Variants in MYCBP2 observed in about 807,000 individuals in gnomAD.
MYCBP2 encodes E3 ubiquitin-protein ligase MYCBP2.
Under a neutral mutation model 525.3 loss-of-function variants are expected in MYCBP2, and 120 were observed. The ratio of observed to expected loss-of-function variants is 0.23; its 90% CI spans 0.20 to 0.27. The LOEUF is 0.27. Ranked by LOEUF, MYCBP2 falls within the 10% of genes least tolerant of loss-of-function variation. MYCBP2 has a pLI of 1.00. For missense variants in MYCBP2, 4,149 were observed against 5,657.1 expected, an observed-to-expected ratio of 0.73 and a Z score of 8.55; for synonymous variants, 1,894 against 1,955.8, an observed-to-expected ratio of 0.97 and a Z score of 0.83.
intron 40 of MYCBP2, among the ~76,000 whole-genome samples, chr13:77,167,073 C>T (rs910636788): frequency 6.6e-6 from 1 of 151,460 alleles, no homozygotes; most frequent in Admixed American, 6.6e-5. Context: ...TTCCCAGTGT[C>T]ACTAATAGGA....
rs2059423535 is a variant in MYCBP2, at chr13:77,174,495, T to A, written c.5473-6A>T. 4 of 1,611,122 alleles carry A rather than the reference T, an allele frequency of 2.5e-6. No individual in the cohort carries two copies. Among genetic ancestry groups the A allele is most frequent in the African/African-American group, 1.3e-5 (1 of 74,886 alleles). Reference sequence around the variant, plus strand: ...ACAGCATATTTAACATTTTCCTTCATTATAAAGATGTAAAACATCTTTTAT... The same window carrying A: ...ACAGCATATTTAACATTTTCCTTCAATATAAAGATGTAAAACATCTTTTAT... On this transcript the variant is annotated splice_region_variant and splice_polypyrimidine_tract_variant and intron_variant, in intron 36 of 82. Coordinates refer to ENST00000544440, the MANE Select transcript of MYCBP2 (RefSeq NM_015057.5).
rs1470600680 is a variant in MYCBP2 at position 77,146,208 on chromosome 13, T to G, written c.7141A>C (p.Asn2381His). 1 of 1,593,892 alleles carries G rather than the reference T, an allele frequency of 6.3e-7. No homozygotes were observed. The highest frequency in any genetic ancestry group is 1.3e-5 in the African/African-American group (1 of 74,148). The change falls in exon 48 of 83, where the codon AAT becomes CAT. Residue 2381 changes from asparagine (N) to histidine (H), a missense_variant. By Grantham distance (68) the Asn-to-His change is moderately conservative (BLOSUM62 1). Around this residue, in one of 21 missense-constraint regions of MYCBP2, gnomAD observed 692 missense variants for 852.7 expected, o/e 0.81. Coordinates refer to ENST00000544440, the MANE Select transcript of MYCBP2 (RefSeq NM_015057.5). ...AAACGTAGTTCTTCAAATGAATAAT[T>G]TTCATAAACCTTTAAGAAAGAGACC... ...IAITMMKVYE[N>H]YSFEELRFAS...
chr13:77,262,903 T>A (rs1315193524), intron 10 of MYCBP2, among the ~76,000 whole-genome samples: 6 of 151,886 alleles, frequency 4.0e-5, no homozygotes, highest in Non-Finnish European at 5.9e-5. Context: ...ATAATTAGAA[T>A]ATAGAAAGTA....
At chr13:77,303,274 A>C (rs1052268358) in intron 1 of MYCBP2, among the ~76,000 whole-genome samples, 2 of 152,248 alleles carry the variant, frequency 1.3e-5, no homozygotes, top group African/African-American at 4.8e-5. Context: ...TGGCGGTTGC[A>C]GTGTGCGTAG....
At chr13:77,206,205 T>C (rs1451178313) in intron 24 of MYCBP2, among the ~76,000 whole-genome samples, 1 of 151,774 alleles carries the variant, frequency 6.6e-6, no homozygotes, top group Non-Finnish European at 1.5e-5. Context: ...ATTAAATAAG[T>C]ACTACATCTC....
chr13:77,323,562 T>C (rs1397667240), intron 1 of MYCBP2, among the ~76,000 whole-genome samples: 2 of 152,242 alleles, frequency 1.3e-5, no homozygotes, highest in African/African-American at 2.4e-5. Context: ...CCCTATCACA[T>C]GAAATAGGTT....
chr13:77,267,262 T>C (rs1480624314), intron 8 of MYCBP2, among the ~76,000 whole-genome samples: 2 of 151,420 alleles, frequency 1.3e-5, no homozygotes, highest in Non-Finnish European at 2.9e-5. Context: ...AGCCTCAAAA[T>C]TAAAGCAAAA....
intron 80 of MYCBP2, among the ~76,000 whole-genome samples, chr13:77,053,252 A>G (rs2037207118): frequency 6.6e-6 from 1 of 152,238 alleles, no homozygotes; most frequent in African/African-American, 2.4e-5. Context: ...GCATAAATAG[A>G]ATTTGAATAA....
chr13:77,264,988 CA>C (rs2073877765), intron 8 of MYCBP2, among the ~76,000 whole-genome samples: 1 of 152,022 alleles, frequency 6.6e-6, no homozygotes, highest in Non-Finnish European at 1.5e-5. Flanking sequence ...CCTGAATCAA[CA>C]AAACATAAAA....
chr13:77,102,587 G>A (rs1280432767), intron 55 of MYCBP2, among the ~76,000 whole-genome samples: 1 of 151,282 alleles, frequency 6.6e-6, no homozygotes, highest in Non-Finnish European at 1.5e-5. Context: ...TAAATTGTCT[G>A]AAATTTTGTC....
intron 37 of MYCBP2, 52 bp from the exon 38 acceptor site, chr13:77,171,686 T>G (rs1323837051): frequency 1.3e-6 from 2 of 1,559,394 alleles, no homozygotes; most frequent in African/African-American, 2.7e-5. Context: ...TAAAACATGA[T>G]CCAGTGCCAG....
Position 77,067,618 on chromosome 13 carries a change from C to T in MYCBP2, c.12418G>A (p.Val4140Ile), listed in dbSNP as rs777467758. 6.2e-7 allele frequency: 1 copy of T among 1,614,190 alleles called. No individual in the cohort carries two copies. ...GTAGTTVGKG[V>I]TTVTLPMIFN... ...ATCATCGGAAGAGTAACTGTTGTAA[C>T]TCCTTTGCCCACAGTGGTACCAGCT... Residue 4140 changes from valine to isoleucine, a missense_variant, in exon 71 of 83, where the codon GTT becomes ATT. Val to Ile is a conservative substitution (Grantham distance 29). Around this residue, in one of 21 missense-constraint regions of MYCBP2, gnomAD observed 148 missense variants for 179.4 expected, o/e 0.82. Coordinates refer to ENST00000544440, the MANE Select transcript of MYCBP2 (RefSeq NM_015057.5).
At position 77,114,186 on chromosome 13, in the gene MYCBP2, T is replaced by C. The variant is rs368294060; in HGVS notation, c.8140+7187A>G. Among the ~76,000 whole-genome samples, 13 of 152,200 alleles carry C rather than the reference T, an allele frequency of 8.5e-5. No individual in the cohort carries two copies. In the East Asian group the frequency reaches 9.6e-4, roughly 11 times the overall value. On this transcript the variant is annotated intron_variant, in intron 55 of 82. Coordinates refer to ENST00000544440, the MANE Select transcript of MYCBP2 (RefSeq NM_015057.5). Reference sequence around the variant, plus strand: ...AGGTAACTGAATTACATTGCAAAAATAGACCCAAAAGGAACTAGGAAAGCT... The same window carrying C: ...AGGTAACTGAATTACATTGCAAAAACAGACCCAAAAGGAACTAGGAAAGCT...
chr13:77,281,411 G>A (rs1454229572), intron 3 of MYCBP2, among the ~76,000 whole-genome samples: 2 of 151,908 alleles, frequency 1.3e-5, no homozygotes, highest in Non-Finnish European at 1.5e-5. Context: ...ATAAATAAAT[G>A]TGATATTTAA....
intron 48 of MYCBP2, 23 bp from the exon 49 acceptor site, chr13:77,144,583 T>A: frequency 6.6e-7 from 1 of 1,522,284 alleles, no homozygotes; most frequent in Non-Finnish European, 9.1e-7. Flanking sequence ...AAGATGGATA[T>A]TGGAAATTTT....
At chr13:77,216,324 T>C (rs1166678064) in intron 21 of MYCBP2, among the ~76,000 whole-genome samples, 3 of 152,058 alleles carry the variant, frequency 2.0e-5, no homozygotes, top group Admixed American at 6.6e-5. Flanking sequence ...CCTACTGGAG[T>C]TGAAAAAAAT....
At chr13:77,235,874 T>C (rs1272856008) in intron 17 of MYCBP2, among the ~76,000 whole-genome samples, 1 of 150,526 alleles carries the variant, frequency 6.6e-6, no homozygotes, top group Admixed American at 6.6e-5. Context: ...ATAAAGGAGG[T>C]AACAAGTAGC....
chr13:77,265,702 A>G (rs936598655), intron 8 of MYCBP2, among the ~76,000 whole-genome samples: 1 of 152,152 alleles, frequency 6.6e-6, no homozygotes, highest in Non-Finnish European at 1.5e-5. Context: ...AGCTATTCCT[A>G]CCCACGAAAA....
chr13:77,211,867 A>G, intron 22 of MYCBP2, 89 bp downstream of exon 22: 1 of 1,071,038 alleles, frequency 9.3e-7, no homozygotes, highest in East Asian at 2.5e-5. Context: ...AAAGCTACAA[A>G]AGTACATTTC....
Sources: allele counts gnomAD v4.1 joint callset (sites outside exome capture counted in the v4.1 genomes callset), GRCh38; gene constraint gnomAD v4.1.1; regional missense constraint gnomAD v4.1.1; transcripts MANE v1.5; gene names NCBI Gene and HGNC (gene_info 2026-07-23, HGNC 2026-07-21).